Variants in ROBO2 observed in about 807,000 individuals in gnomAD.
ROBO2 encodes roundabout guidance receptor 2.
In ROBO2, 53 loss-of-function variants were observed where a neutral mutation model predicts 160.8. The ratio of observed to expected loss-of-function variants is 0.33; its 90% confidence interval spans 0.26 to 0.41. The LOEUF (loss-of-function observed/expected upper bound fraction) is 0.41. Among genes scored for constraint, ROBO2 ranks in the 10% least tolerant of loss-of-function variants. The probability of loss-of-function intolerance (pLI) is 1.00; values close to 1 mark genes in which losing one functional copy is unlikely to be tolerated. For synonymous variants in ROBO2, 664 were observed against 611.7 expected, an observed-to-expected ratio of 1.09 and a Z score of -1.26; for missense variants, 1,577 against 1,722.4, an observed-to-expected ratio of 0.92 and a Z score of 1.49.
At chr3:76,771,671 C>T (rs1260189783) in intron 2 of ROBO2, among the ~76,000 whole-genome samples, 1 of 151,084 alleles carries the variant, frequency 6.6e-6, no homozygotes. Context: ...GAATTTTCAT[C>T]ACTGGTGTTA....
At chr3:76,476,842 G>GAA (rs11452338) in intron 2 of ROBO2, among the ~76,000 whole-genome samples, 14 of 151,780 alleles carry the variant, frequency 9.2e-5, no homozygotes, top group African/African-American at 2.4e-4. Context: ...GGAAAAAATG[G>GAA]AAAAAAAATG....
chr3:77,261,823 A>G (rs1340050620), intron 2 of ROBO2, among the ~76,000 whole-genome samples: 2 of 144,944 alleles, frequency 1.4e-5, no homozygotes, highest in African/African-American at 5.2e-5. Context: ...GCTGGAGTTC[A>G]GTGGCATAAT....
chr3:76,888,465 A>G (rs998766065), intron 2 of ROBO2, among the ~76,000 whole-genome samples: 2 of 152,164 alleles, frequency 1.3e-5, no homozygotes, highest in Non-Finnish European at 2.9e-5. Context: ...GCTTACTATA[A>G]ATAGGAATAG....
At chr3:77,243,577 C>T (rs548085197) in intron 2 of ROBO2, among the ~76,000 whole-genome samples, 2 of 152,254 alleles carry the variant, frequency 1.3e-5, no homozygotes, top group Admixed American at 1.3e-4. Flanking sequence ...CTATAGTCCC[C>T]TCCATTTTTC....
At chr3:76,943,078 C>T (rs1335654683) in intron 2 of ROBO2, among the ~76,000 whole-genome samples, 2 of 152,186 alleles carry the variant, frequency 1.3e-5, no homozygotes, top group Non-Finnish European at 2.9e-5. Flanking sequence ...GTGAGTACTT[C>T]AGCTAAGTAT....
intron 2 of ROBO2, among the ~76,000 whole-genome samples, chr3:76,350,547 C>G (rs776273939): frequency 1.3e-5 from 2 of 151,968 alleles, no homozygotes; most frequent in Non-Finnish European, 2.9e-5. Context: ...GTGACTTTCT[C>G]TTGCTATTCA....
chr3:77,031,629 T>C (rs2063330872), intron 2 of ROBO2, among the ~76,000 whole-genome samples: 1 of 146,424 alleles, frequency 6.8e-6, no homozygotes, highest in Admixed American at 6.9e-5. Context: ...AAATTAATTA[T>C]ATATTAATTT....
chr3:77,389,354 A>C (rs2074468130), intron 2 of ROBO2, among the ~76,000 whole-genome samples: 1 of 152,194 alleles, frequency 6.6e-6, no homozygotes, highest in African/African-American at 2.4e-5. Context: ...TTTAAAAAAA[A>C]ATCCAGTTCC....
At chr3:77,408,681 T>C (rs1054515994) in intron 2 of ROBO2, among the ~76,000 whole-genome samples, 29 of 152,158 alleles carry the variant, frequency 1.9e-4, no homozygotes, top group African/African-American at 6.8e-4. Flanking sequence ...TTATTTAGCC[T>C]ACATTGACTT....
intron 2 of ROBO2, among the ~76,000 whole-genome samples, chr3:76,546,362 G>T (rs1323710286): frequency 1.3e-5 from 2 of 151,874 alleles, no homozygotes; most frequent in Non-Finnish European, 2.9e-5. Flanking sequence ...CAGCTGTGTA[G>T]AAGGTAAAAG....
chr3:77,631,544 C>G (rs542207005), intron 23 of ROBO2: 2 of 151,950 alleles, frequency 1.3e-5, no homozygotes, highest in Non-Finnish European at 2.9e-5. Context: ...TAATGGTATA[C>G]CAACATAAAT....
intron 2 of ROBO2, among the ~76,000 whole-genome samples, chr3:76,644,154 T>C (rs1288019131): frequency 2.6e-5 from 4 of 152,186 alleles, no homozygotes; most frequent in African/African-American, 4.8e-5. Context: ...CTATCTTCAC[T>C]ATCAATGCTT....
intron 12 of ROBO2, 63 bp downstream of exon 13, chr3:77,565,183 G>A (rs1381006621): frequency 6.4e-7 from 1 of 1,561,320 alleles, no homozygotes; most frequent in Non-Finnish European, 8.8e-7. Flanking sequence ...TTAAGAACGA[G>A]GGGCTTGATG....
At chr3:76,691,051 GT>G (rs2092790909) in intron 2 of ROBO2, among the ~76,000 whole-genome samples, 1 of 151,880 alleles carries the variant, frequency 6.6e-6, no homozygotes, top group South Asian at 2.1e-4. Context: ...AAAGAGTTCT[GT>G]CTAAAAAAAA....
At chr3:76,706,662 T>C (rs1012254788) in intron 2 of ROBO2, among the ~76,000 whole-genome samples, 1 of 152,124 alleles carries the variant, frequency 6.6e-6, no homozygotes, top group African/African-American at 2.4e-5. Flanking sequence ...TATAAAGATA[T>C]ATGATGGCAA....
intron 4 of ROBO2, 143 bp downstream of exon 4, chr3:77,481,362 T>G (rs1414514657): frequency 1.4e-5 from 8 of 573,808 alleles, no homozygotes; most frequent in Non-Finnish European, 2.1e-5. Flanking sequence ...ATTATCTTGT[T>G]TTCTGTCTTT....
At chr3:77,069,182 G>A (rs1307202852) in intron 1 of ROBO2, among the ~76,000 whole-genome samples, 1 of 152,144 alleles carries the variant, frequency 6.6e-6, no homozygotes, top group African/African-American at 2.4e-5. Flanking sequence ...TGTGCTTAAT[G>A]TGTGCTCTCA....
At chr3:76,154,991 A>T (rs1431987793) in intron 2 of ROBO2, among the ~76,000 whole-genome samples, 3 of 152,138 alleles carry the variant, frequency 2.0e-5, no homozygotes, top group African/African-American at 7.2e-5. Flanking sequence ...TCTGAATTGG[A>T]TGATTGAAAA....
At chr3:76,118,427 A>G (rs1399203767) in intron 2 of ROBO2, among the ~76,000 whole-genome samples, 1 of 152,186 alleles carries the variant, frequency 6.6e-6, no homozygotes, top group Non-Finnish European at 1.5e-5. Flanking sequence ...TATTATTCTG[A>G]TACTTAGTAT....
Sources: gnomAD v4.1 joint callset for allele counts (sites outside exome capture counted in the v4.1 genomes callset) on GRCh38, gnomAD v4.1.1 for gene constraint, MANE v1.5 for transcripts, NCBI Gene and HGNC (gene_info 2026-07-23, HGNC 2026-07-21) for gene names.